The following ARHGAP42 variants were observed in gnomAD, a reference collection of about 807,000 sequenced individuals.
The protein encoded by ARHGAP42 is rho GTPase-activating protein 42.
ARHGAP42 carries 63 observed loss-of-function variants against 125.0 expected under a neutral mutation model. The ratio of observed to expected loss-of-function variants is 0.50; its 90% CI spans 0.41 to 0.62. ARHGAP42 has a LOEUF of 0.62. Among genes scored for constraint, ARHGAP42 ranks in the 20% least tolerant of loss-of-function variants. The pLI is 0.00. For missense variants in ARHGAP42, 766 were observed against 1,024.2 expected (o/e 0.75, Z 3.44); for synonymous variants, 339 against 351.0 (o/e 0.97, Z 0.38).
chr11:100,730,301 T>A (rs1450693134), intron 1 of ARHGAP42, among the ~76,000 whole-genome samples: 2 of 152,202 alleles, frequency 1.3e-5, no homozygotes, highest in African/African-American at 4.8e-5. Flanking sequence ...TACTCTCTGC[T>A]AAGCATCAGC....
chr11:100,918,657 C>G (rs974743986), intron 5 of ARHGAP42, among the ~76,000 whole-genome samples: 3 of 152,146 alleles, frequency 2.0e-5, no homozygotes, highest in African/African-American at 7.2e-5. Context: ...TCTATTTTAA[C>G]TAAAAGAATG....
chr11:100,928,767 A>G (rs1436606985), intron 6 of ARHGAP42, among the ~76,000 whole-genome samples: 1 of 149,630 alleles, frequency 6.7e-6, no homozygotes, highest in Non-Finnish European at 1.5e-5. Context: ...TATCATTCCC[A>G]GTATACCCCA....
At chr11:100,925,837 T>C (rs1867405075) in intron 6 of ARHGAP42, among the ~76,000 whole-genome samples, 1 of 152,208 alleles carries the variant, frequency 6.6e-6, no homozygotes, top group South Asian at 2.1e-4. Context: ...GGCTCATCCT[T>C]TCAGATGTGT....
intron 17 of ARHGAP42, among the ~76,000 whole-genome samples, chr11:100,967,581 T>C (rs1168002178): frequency 2.0e-5 from 3 of 152,208 alleles, no homozygotes; most frequent in Non-Finnish European, 4.4e-5. Context: ...AGTACAAATG[T>C]GAAACTAAAC....
intron 1 of ARHGAP42, among the ~76,000 whole-genome samples, chr11:100,716,907 C>T (rs61910471): frequency 0.057 from 8,682 of 152,032 alleles, 357 homozygotes; most frequent in East Asian, 0.21. Context: ...TTCAGAGCCC[C>T]TTGACTGAAG....
At chr11:100,689,953 TAGG>T (rs1861159062) in intron 1 of ARHGAP42, among the ~76,000 whole-genome samples, 1 of 152,122 alleles carries the variant, frequency 6.6e-6, no homozygotes, top group Non-Finnish European at 1.5e-5. Context: ...GCTGCTTGGA[TAGG>T]AGGAGTGTGT....
intron 9 of ARHGAP42, among the ~76,000 whole-genome samples, chr11:100,942,133 C>A (rs2135272999): frequency 6.6e-6 from 1 of 152,242 alleles, no homozygotes; most frequent in Non-Finnish European, 1.5e-5. Flanking sequence ...CAGTAGATTA[C>A]AGAGGTGTCA....
At chr11:100,837,538 G>A (rs895510881) in intron 3 of ARHGAP42, among the ~76,000 whole-genome samples, 1 of 151,978 alleles carries the variant, frequency 6.6e-6, no homozygotes, top group Non-Finnish European at 1.5e-5. Flanking sequence ...AAAAGAATGG[G>A]CTGCCTGCAA....
chr11:100,717,649 A>AT (rs539335836), intron 1 of ARHGAP42, among the ~76,000 whole-genome samples: 5,333 of 150,474 alleles, frequency 0.035, 126 homozygotes, highest in African/African-American at 0.066. Flanking sequence ...AAAAAAAAAA[A>AT]AAAAAAAAGA....
Position 100,921,551 on chromosome 11 carries a change from G to A in ARHGAP42, c.544G>A (p.Val182Ile), listed in dbSNP as rs1477359127. 6.5e-7 allele frequency: 1 copy of A among 1,546,564 alleles called. No homozygotes were observed. The highest frequency in any genetic ancestry group is 8.7e-7 in the Non-Finnish European group (1 of 1,144,970). ...CTTCTATGAAGCATCATTAGAATATGTCTTTAAAATTCAAGAGGTCCAAGA... is the reference window on the plus strand; with the variant it reads ...CTTCTATGAAGCATCATTAGAATATATCTTTAAAATTCAAGAGGTCCAAGA... Reference protein sequence around the residue: ...QNFYEASLEYVFKIQEVQEKK... With the variant: ...QNFYEASLEYIFKIQEVQEKK... The change falls in exon 6 of 24, where the codon GTC becomes ATC. Residue 182 changes from valine to isoleucine, a missense_variant. Physicochemically the swap from Val to Ile is conservative, Grantham distance 29. Around this residue, in one of 3 missense-constraint regions of ARHGAP42, gnomAD observed 455 missense variants for 636.5 expected, o/e 0.71. Transcript: ENST00000298815.
intron 2 of ARHGAP42, among the ~76,000 whole-genome samples, chr11:100,774,644 A>G (rs1324938871): frequency 6.6e-6 from 1 of 152,240 alleles, no homozygotes; most frequent in East Asian, 1.9e-4. Context: ...GAAGAGGAAG[A>G]TGAATAAAGA....
intron 1 of ARHGAP42, among the ~76,000 whole-genome samples, chr11:100,708,373 C>T (rs1182824025): frequency 2.0e-5 from 3 of 152,182 alleles, no homozygotes; most frequent in South Asian, 2.1e-4. Flanking sequence ...ATTAGTTGTG[C>T]GTGGTGGCAC....
intron 2 of ARHGAP42, among the ~76,000 whole-genome samples, chr11:100,770,671 G>A (rs565426680): frequency 2.8e-4 from 42 of 152,164 alleles, no homozygotes; most frequent in African/African-American, 8.7e-4. Flanking sequence ...TCTGCCTCCC[G>A]GGTTCAAGTG....
At chr11:100,888,643 G>A (rs1866152284) in intron 4 of ARHGAP42, among the ~76,000 whole-genome samples, 1 of 152,116 alleles carries the variant, frequency 6.6e-6, no homozygotes, top group Admixed American at 6.5e-5. Flanking sequence ...ATAATAACTT[G>A]TTCCAGATAA....
chr11:100,722,557 AT>A (rs1861778835), intron 1 of ARHGAP42, among the ~76,000 whole-genome samples: 1 of 151,808 alleles, frequency 6.6e-6, no homozygotes, highest in Non-Finnish European at 1.5e-5. Flanking sequence ...TGCCTGGGTA[AT>A]TTTGTATTTT....
chr11:100,833,976 A>G (rs906126855), intron 3 of ARHGAP42, among the ~76,000 whole-genome samples: 75 of 152,302 alleles, frequency 4.9e-4, no homozygotes, highest in Admixed American at 3.7e-3. Context: ...GTTTCAAGGG[A>G]TCATACTAAA....
At chr11:100,722,664 C>T (rs1861781061) in intron 1 of ARHGAP42, among the ~76,000 whole-genome samples, 2 of 152,310 alleles carry the variant, frequency 1.3e-5, no homozygotes, top group South Asian at 4.1e-4. Flanking sequence ...GCTGGGATTA[C>T]AGGCGCAAGC....
At chr11:100,913,361 A>G in intron 4 of ARHGAP42, 91 bp from the exon 5 acceptor site, 1 of 416,918 alleles carries the variant, frequency 2.4e-6, no homozygotes, top group Non-Finnish European at 4.1e-6. Flanking sequence ...TTTATTAAAT[A>G]ATTACATGGG....
intron 3 of ARHGAP42, among the ~76,000 whole-genome samples, chr11:100,857,877 A>G (rs1210584098): frequency 6.6e-6 from 1 of 152,076 alleles, no homozygotes; most frequent in East Asian, 1.9e-4. Flanking sequence ...TCTCCCAGCC[A>G]TTTAGCTGGC....
Sources: allele counts gnomAD v4.1 joint callset (sites outside exome capture counted in the v4.1 genomes callset), GRCh38; gene constraint gnomAD v4.1.1; regional missense constraint gnomAD v4.1.1; transcripts MANE v1.5; gene names NCBI Gene and HGNC (gene_info 2026-07-23, HGNC 2026-07-21).